Variants in PDE3B observed in about 807,000 individuals in gnomAD.
PDE3B encodes cGMP-inhibited 3',5'-cyclic phosphodiesterase 3B.
PDE3B carries 66 observed loss-of-function variants against 116.8 expected under a neutral mutation model. The observed-to-expected ratio is 0.56, with a 90% CI of 0.46 to 0.69. The LOEUF is 0.69. PDE3B is among the 30% of genes least tolerant of loss of function. PDE3B has a pLI of 0.00. For synonymous variants in PDE3B, 595 were observed against 533.6 expected (o/e 1.12, Z -1.59); for missense variants, 1,384 against 1,368.1 (o/e 1.01, Z -0.18).
intron 1 of PDE3B, among the ~76,000 whole-genome samples, chr11:14,755,399 A>C (rs1231586702): frequency 6.6e-6 from 1 of 152,244 alleles, no homozygotes; most frequent in Non-Finnish European, 1.5e-5. Context: ...GATTATTTAC[A>C]GTGTAATGAC....
At chr11:14,662,853 G>A (rs1394406166) in intron 1 of PDE3B, among the ~76,000 whole-genome samples, 1 of 152,206 alleles carries the variant, frequency 6.6e-6, no homozygotes, top group African/African-American at 2.4e-5. Flanking sequence ...GAAAGTGACG[G>A]GGAGAATGGA....
At chr11:14,680,371 C>G (rs1405535847) in intron 1 of PDE3B, among the ~76,000 whole-genome samples, 1 of 152,154 alleles carries the variant, frequency 6.6e-6, no homozygotes, top group East Asian at 1.9e-4. Flanking sequence ...ATGTGATGTT[C>G]TCCTTTGGTG....
At chr11:14,661,929 T>C (rs369882371) in intron 1 of PDE3B, among the ~76,000 whole-genome samples, 7 of 152,174 alleles carry the variant, frequency 4.6e-5, no homozygotes, top group Admixed American at 2.0e-4. Context: ...TAAATGTCCC[T>C]GTCTGACAGC....
chr11:14,818,665 T>A (rs1459739021), intron 6 of PDE3B, among the ~76,000 whole-genome samples: 1 of 152,164 alleles, frequency 6.6e-6, no homozygotes, highest in Admixed American at 6.6e-5. Context: ...AACTAGATGA[T>A]GGATTCAGCC....
intron 1 of PDE3B, among the ~76,000 whole-genome samples, chr11:14,703,125 C>G (rs1241628609): frequency 6.6e-6 from 1 of 151,784 alleles, no homozygotes; most frequent in African/African-American, 2.4e-5. Context: ...AGATTTTTAA[C>G]CAAATTGCTC....
At chr11:14,877,198 C>G in the PDE3B span, among the ~76,000 whole-genome samples, 1 of 152,036 alleles carries the variant, frequency 6.6e-6, no homozygotes, top group African/African-American at 2.4e-5. Flanking sequence ...CCTTGTTGTC[C>G]TGACATAATT....
intron 7 of PDE3B, among the ~76,000 whole-genome samples, chr11:14,828,174 A>G (rs972465187): frequency 6.6e-6 from 1 of 152,230 alleles, no homozygotes; most frequent in Non-Finnish European, 1.5e-5. Context: ...TCAACTAAAG[A>G]TGGTTTAAAG....
chr11:14,703,138 AT>A (rs544452119), intron 1 of PDE3B, among the ~76,000 whole-genome samples: 2 of 151,682 alleles, frequency 1.3e-5, no homozygotes, highest in Non-Finnish European at 2.9e-5. Context: ...AATTGCTCAT[AT>A]TTTTTTGGGG....
intron 1 of PDE3B, among the ~76,000 whole-genome samples, chr11:14,721,108 G>T (rs1262523313): frequency 6.7e-6 from 1 of 148,310 alleles, no homozygotes; most frequent in Admixed American, 6.7e-5. Flanking sequence ...TCAAAAAGTG[G>T]GCAAAGGACA....
At chr11:14,800,284 G>A (rs1426157526) in intron 4 of PDE3B, among the ~76,000 whole-genome samples, 1 of 152,148 alleles carries the variant, frequency 6.6e-6, no homozygotes, top group East Asian at 1.9e-4. Context: ...GACCAACGTG[G>A]TGAAACCCCG....
At chr11:14,831,605 G>GAA (rs778429594) in intron 8 of PDE3B, 35 bp from the exon 9 acceptor site, 2 of 1,372,266 alleles carry the variant, frequency 1.5e-6, no homozygotes, top group Non-Finnish European at 2.0e-6. Context: ...ATTTATAAAA[G>GAA]ATAAAATAAA....
At chr11:14,830,279 TTAA>T (rs1266892672) in intron 7 of PDE3B, among the ~76,000 whole-genome samples, 11 of 152,182 alleles carry the variant, frequency 7.2e-5, no homozygotes, top group Non-Finnish European at 1.2e-4. Context: ...TAACTCACCA[TTAA>T]TAATATTATG....
chr11:14,884,629 T>C, the PDE3B span, among the ~76,000 whole-genome samples: 1 of 151,840 alleles, frequency 6.6e-6, no homozygotes, highest in Non-Finnish European at 1.5e-5. Flanking sequence ...CATGTATACA[T>C]ATGTAACTAA....
intron 1 of PDE3B, among the ~76,000 whole-genome samples, chr11:14,723,607 A>T (rs1410144563): frequency 6.6e-6 from 1 of 152,060 alleles, no homozygotes; most frequent in East Asian, 1.9e-4. Flanking sequence ...TTAAAAAAAA[A>T]CCCATTAGCT....
intron 12 of PDE3B, among the ~76,000 whole-genome samples, chr11:14,850,766 A>T (rs1003480880): frequency 2.0e-5 from 3 of 152,164 alleles, no homozygotes; most frequent in African/African-American, 7.2e-5. Flanking sequence ...TTCTCAACAA[A>T]TAGATACTGT....
intron 1 of PDE3B, among the ~76,000 whole-genome samples, chr11:14,651,165 T>C (rs1853564908): frequency 6.6e-6 from 1 of 152,144 alleles, no homozygotes; most frequent in African/African-American, 2.4e-5. Context: ...GTCTTTCTCC[T>C]AGCTTCTGGT....
chr11:14,775,629 C>T (rs1857763451), intron 2 of PDE3B: 1 of 152,364 alleles, frequency 6.6e-6, no homozygotes, highest in Non-Finnish European at 1.5e-5. Flanking sequence ...CCTCCAGCTC[C>T]CTGGTTCAAG....
the PDE3B span, chr11:14,892,175 C>T: frequency 6.2e-7 from 1 of 1,610,742 alleles, no homozygotes; most frequent in African/African-American, 1.3e-5. Flanking sequence ...AGCGCCGCCG[C>T]GCCCTCTTCA....
Position 14,786,653 on chromosome 11 carries a change from C to T in PDE3B, c.1246C>T (p.Pro416Ser), listed in dbSNP as rs200534401. The change falls in exon 3 of 16, where the codon CCA (proline) becomes TCA (serine). Residue 416 changes from proline (P) to serine (S), a missense_variant. Coordinates refer to ENST00000282096, the MANE Select transcript of PDE3B (RefSeq NM_000922.4). ...TTACCCCTGTTCTGAAATAGAGGACCCAGCTGAGAAAGGGGATAGAAAACT... is the reference window on the plus strand; with the variant it reads ...TTACCCCTGTTCTGAAATAGAGGACTCAGCTGAGAAAGGGGATAGAAAACT... ...GFYPCSEIED[P>S]AEKGDRKLNK... is the part of the protein sequence containing the mutation. 1.2e-6 allele frequency: 2 copies of T among 1,611,696 alleles called. No individual in the cohort carries two copies. The highest frequency in any genetic ancestry group is 1.7e-5 in the Admixed American group (1 of 59,918).
Sources: allele counts gnomAD v4.1 joint callset (sites outside exome capture counted in the v4.1 genomes callset), GRCh38; gene constraint gnomAD v4.1.1; transcripts MANE v1.5; gene names NCBI Gene and HGNC (gene_info 2026-07-23, HGNC 2026-07-21).